The following GBE1 variants were observed in gnomAD, a reference collection of about 807,000 sequenced individuals.
GBE1 encodes the protein 1,4-alpha-glucan branching enzyme 1, also known as 1,4-alpha-glucan-branching enzyme.
A neutral mutation model predicts 88.8 loss-of-function variants in GBE1; 70 were observed. The ratio of observed to expected loss-of-function variants is 0.79; its 90% CI spans 0.65 to 0.96. GBE1 has a LOEUF of 0.96. Ranked by LOEUF, GBE1 falls within the 40% of genes least tolerant of loss-of-function variation. The pLI is 0.00. For missense variants in GBE1, 872 were observed against 871.0 expected, an observed-to-expected ratio of 1.00 and a Z score of -0.01; for synonymous variants, 284 against 300.1, an observed-to-expected ratio of 0.95 and a Z score of 0.56.
At chr3:81,761,275 G>A (rs1706679921) in intron 1 of GBE1, 100 bp downstream of exon 1, 3 of 1,447,134 alleles carry the variant, frequency 2.1e-6, no homozygotes, top group Admixed American at 2.3e-5. Flanking sequence ...CGCCTGGGGC[G>A]GGGTTGGCGC....
At chr3:81,600,335 C>G (rs751743903) in intron 7 of GBE1, among the ~76,000 whole-genome samples, 11 of 151,732 alleles carry the variant, frequency 7.2e-5, no homozygotes, top group Admixed American at 2.0e-4. Context: ...AAAAATACAC[C>G]CCTCGATTTG....
In GBE1 at chr3:81,670,862, G is replaced by A. The variant is rs139882066; in HGVS notation, c.405C>T (p.Leu135=). The A allele has an allele frequency of 3.6e-3, 5,687 of 1,565,764 alleles. 20 individuals are homozygous for A. Among genetic ancestry groups the A allele is most frequent in the Non-Finnish European group, 4.3e-3 (5,036 of 1,160,674 alleles). The change falls in exon 3 of 16, where the codon CTC becomes CTT. Residue 135 remains leucine, a synonymous_variant. Coordinates refer to ENST00000429644, the MANE Select transcript of GBE1 (RefSeq NM_000158.4). ...CCTTTAATTTGGATCCATGAGGCAC[G>A]AGTACAGATTTATTCTGCTTTGGTG... ...YIPPKQNKSV[L]VPHGSKLKVV...
intron 3 of GBE1, among the ~76,000 whole-genome samples, chr3:81,668,537 G>C (rs1473426934): frequency 6.6e-6 from 1 of 152,150 alleles, no homozygotes; most frequent in East Asian, 1.9e-4. Context: ...GAAACATTCA[G>C]TAAGTGGTAG....
intron 7 of GBE1, among the ~76,000 whole-genome samples, chr3:81,606,897 A>G (rs986505922): frequency 9.9e-5 from 15 of 152,202 alleles, no homozygotes; most frequent in Admixed American, 2.0e-4. Flanking sequence ...CTTCCTCAAT[A>G]TAATAAATCT....
chr3:81,593,781 C>T (rs1424065777), intron 8 of GBE1, 127 bp downstream of exon 8: 1 of 565,806 alleles, frequency 1.8e-6, no homozygotes, highest in Non-Finnish European at 3.1e-6. Flanking sequence ...CTACCTTTTG[C>T]CAAAATGGGA....
chr3:81,559,611 T>C (rs1439853113), intron 12 of GBE1, among the ~76,000 whole-genome samples: 1 of 151,940 alleles, frequency 6.6e-6, no homozygotes, highest in Admixed American at 6.6e-5. Context: ...TTTGCCCCTA[T>C]TGGGGTTGAT....
chr3:81,552,509 T>C (rs1188454660), intron 12 of GBE1, among the ~76,000 whole-genome samples: 2 of 112,656 alleles, frequency 1.8e-5, no homozygotes, highest in Admixed American at 1.2e-4. Flanking sequence ...AGAGCAAGGC[T>C]CTATCTTATA....
At chr3:81,760,096 A>C (rs531400890) in intron 1 of GBE1, among the ~76,000 whole-genome samples, 5 of 152,202 alleles carry the variant, frequency 3.3e-5, no homozygotes, top group Non-Finnish European at 7.3e-5. Flanking sequence ...TATACTGTAA[A>C]TTCTGAAAAC....
intron 14 of GBE1, among the ~76,000 whole-genome samples, chr3:81,520,174 C>T (rs1420809187): frequency 6.6e-6 from 1 of 151,468 alleles, no homozygotes; most frequent in African/African-American, 2.4e-5. Context: ...TTGCTTTGTG[C>T]ACTTCACTTT....
chr3:81,724,420 C>T (rs1261051378), intron 1 of GBE1, among the ~76,000 whole-genome samples: 11 of 151,998 alleles, frequency 7.2e-5, no homozygotes, highest in African/African-American at 1.2e-4. Flanking sequence ...TCTATAGTAC[C>T]AACATGTGTA....
At chr3:81,684,891 A>T (rs1194428181) in intron 2 of GBE1, among the ~76,000 whole-genome samples, 2 of 152,224 alleles carry the variant, frequency 1.3e-5, no homozygotes, top group Non-Finnish European at 2.9e-5. Context: ...CACTGCTGCG[A>T]TAAGTCACCA....
At chr3:81,753,671 T>C (rs1294238057) in intron 1 of GBE1, among the ~76,000 whole-genome samples, 3 of 152,134 alleles carry the variant, frequency 2.0e-5, no homozygotes, top group African/African-American at 7.2e-5. Context: ...TGAAGGCACT[T>C]TGAAAATGAG....
intron 12 of GBE1, among the ~76,000 whole-genome samples, chr3:81,572,066 T>A (rs1483028998): frequency 1.3e-5 from 2 of 152,200 alleles, no homozygotes; most frequent in African/African-American, 2.4e-5. Context: ...GTTTCCCCCA[T>A]GCTGTTCTTG....
intron 2 of GBE1, among the ~76,000 whole-genome samples, chr3:81,691,556 C>T (rs1038064757): frequency 2.0e-5 from 3 of 152,044 alleles, no homozygotes; most frequent in African/African-American, 4.8e-5. Context: ...GAGAGGGGAT[C>T]ACTTGAGCCC....
chr3:81,654,322 A>AGT (rs60856895), intron 3 of GBE1, among the ~76,000 whole-genome samples: 6,654 of 150,190 alleles, frequency 0.044, 509 homozygotes, highest in East Asian at 0.38. Flanking sequence ...AAGACAAAAA[A>AGT]GTGTGTGTGT....
intron 13 of GBE1, among the ~76,000 whole-genome samples, 154 bp from the exon 14 acceptor site, chr3:81,535,479 CCTAA>C (rs1288882437): frequency 7.2e-5 from 11 of 151,928 alleles, no homozygotes; most frequent in African/African-American, 2.7e-4. Context: ...TTTTGCTGTA[CCTAA>C]CTGTGAGCCA....
intron 15 of GBE1, among the ~76,000 whole-genome samples, chr3:81,496,222 T>C (rs1398034756): frequency 6.6e-6 from 1 of 152,194 alleles, no homozygotes; most frequent in Non-Finnish European, 1.5e-5. Flanking sequence ...CTTTTGGACA[T>C]TTGTGACATA....
chr3:81,702,535 T>C (rs1425280323), intron 2 of GBE1, among the ~76,000 whole-genome samples: 3 of 152,076 alleles, frequency 2.0e-5, no homozygotes, highest in African/African-American at 7.2e-5. Flanking sequence ...CTGTAGTCTT[T>C]TCTTATCTCT....
chr3:81,525,657 G>T (rs557927096), intron 14 of GBE1, among the ~76,000 whole-genome samples: 10 of 152,000 alleles, frequency 6.6e-5, no homozygotes, highest in African/African-American at 2.2e-4. Context: ...GAATCCATCT[G>T]GTCCTGGACT....
Sources: allele counts gnomAD v4.1 joint callset (sites outside exome capture counted in the v4.1 genomes callset), GRCh38; gene constraint gnomAD v4.1.1; transcripts MANE v1.5; gene names NCBI Gene and HGNC (gene_info 2026-07-23, HGNC 2026-07-21).